Variants in SPC25 observed in about 807,000 individuals in gnomAD.
The protein encoded by SPC25 is SPC25 component of NDC80 kinetochore complex.
A neutral mutation model predicts 29.6 loss-of-function variants in SPC25; 22 were observed. That is an observed-to-expected ratio of 0.74 (90% CI 0.53 to 1.06). The LOEUF is 1.06. Among genes scored for constraint, SPC25 ranks in the 50% least tolerant of loss-of-function variants. The probability of loss-of-function intolerance (pLI) is 0.00; values close to 1 mark genes in which losing one functional copy is unlikely to be tolerated. For synonymous variants in SPC25, 91 were observed against 90.4 expected, an observed-to-expected ratio of 1.01 and a Z score of -0.04; for missense variants, 230 against 255.8, an observed-to-expected ratio of 0.90 and a Z score of 0.69.
downstream of SPC25, among the ~76,000 whole-genome samples, chr2:168,866,321 C>T (rs899261363): frequency 1.3e-5 from 2 of 152,420 alleles, no homozygotes; most frequent in South Asian, 2.1e-4. Flanking sequence ...GAAATAATCC[C>T]GCATATCTAC....
intron 3 of SPC25, among the ~76,000 whole-genome samples, chr2:168,883,143 A>C (rs1456165434): frequency 2.6e-5 from 4 of 152,088 alleles, no homozygotes; most frequent in Non-Finnish European, 5.9e-5. Context: ...ATGATTTTTA[A>C]AATATGGTAT....
At chr2:168,874,490 C>T (rs774560175) in intron 5 of SPC25, among the ~76,000 whole-genome samples, 1 of 152,082 alleles carries the variant, frequency 6.6e-6, no homozygotes, top group East Asian at 1.9e-4. Flanking sequence ...TGCCCACCAA[C>T]AGATGAATGG....
intron 3 of SPC25, among the ~76,000 whole-genome samples, chr2:168,884,221 C>A (rs1252767683): frequency 6.6e-6 from 1 of 152,192 alleles, no homozygotes; most frequent in Non-Finnish European, 1.5e-5. Flanking sequence ...AGCACAGACA[C>A]TATCATTGTG....
chr2:168,864,022 T>C (rs2105807507), intron 4 of SPC25, among the ~76,000 whole-genome samples: 1 of 151,870 alleles, frequency 6.6e-6, no homozygotes, highest in East Asian at 2.0e-4. Flanking sequence ...GTGATTCTCC[T>C]GCCTCAGTCT....
downstream of SPC25, among the ~76,000 whole-genome samples, chr2:168,867,128 T>G (rs1689875582): frequency 6.6e-6 from 1 of 152,160 alleles, no homozygotes. Flanking sequence ...TTACTGAGTA[T>G]ATACCCAAAG....
At position 168,889,367 on chromosome 2, in the gene SPC25, T is replaced by C. The variant is rs1690351092; in HGVS notation, c.133+20A>G. ...AACTAGAACAGCAAAACCAGCATGT[T>C]ACAAGTTAACACTAGGTACCTGCAA... is the stretch of plus-strand genomic sequence containing the variant. On this transcript the variant is annotated intron_variant, in intron 2 of 6. Coordinates refer to ENST00000282074, the MANE Select transcript of SPC25 (RefSeq NM_020675.4). The C allele has an allele frequency of 6.2e-7, 1 of 1,613,832 alleles. No individual in the cohort carries two copies. Among genetic ancestry groups the C allele is most frequent in the African/African-American group, 1.3e-5 (1 of 74,898 alleles).
chr2:168,884,693 C>A (rs113893631), intron 3 of SPC25, among the ~76,000 whole-genome samples: 4 of 152,130 alleles, frequency 2.6e-5, no homozygotes, highest in African/African-American at 9.7e-5. Flanking sequence ...CTTTCCTGGT[C>A]GTTTCCATTT....
intron 4 of SPC25, among the ~76,000 whole-genome samples, chr2:168,863,014 C>T (rs1266188561): frequency 1.6e-5 from 1 of 64,314 alleles, no homozygotes; most frequent in Non-Finnish European, 2.8e-5. Context: ...TACTTTTCTT[C>T]CTATGTGAAT....
chr2:168,866,760 G>A (rs1020049983), downstream of SPC25, among the ~76,000 whole-genome samples: 14 of 136,000 alleles, frequency 1.0e-4, no homozygotes, highest in African/African-American at 3.1e-4. Context: ...AATCTACAAC[G>A]AACTCAAACA....
At chr2:168,865,302 T>G (rs898627652) in intron 4 of SPC25, 1 of 212,800 alleles carries the variant, frequency 4.7e-6, no homozygotes, top group Non-Finnish European at 9.4e-6. Flanking sequence ...GTCAGAGTTA[T>G]CTGGTAGACA....
intron 4 of SPC25, chr2:168,863,752 G>GACAT (rs2105806085): frequency 1.4e-6 from 1 of 715,482 alleles, no homozygotes; most frequent in Non-Finnish European, 1.7e-6. Flanking sequence ...CTGTTGGTGA[G>GACAT]ACATACTTAT....
At chr2:168,864,895 GA>G (rs757832201) in intron 4 of SPC25, 2 of 1,613,740 alleles carry the variant, frequency 1.2e-6, no homozygotes, top group Non-Finnish European at 1.7e-6. Flanking sequence ...CTTTGAATGG[GA>G]AAAAAGGCCA....
chr2:168,865,058 T>G (rs963243019), intron 4 of SPC25: 3 of 1,433,618 alleles, frequency 2.1e-6, no homozygotes, highest in South Asian at 1.3e-5. Flanking sequence ...TACCTTTACA[T>G]GTTTTTCTTT....
At chr2:168,868,536 C>A (rs1689915545), downstream of SPC25, among the ~76,000 whole-genome samples, 1 of 152,062 alleles carries the variant, frequency 6.6e-6, no homozygotes, top group African/African-American at 2.4e-5. Flanking sequence ...CACCACCGAT[C>A]CCACAGAAAT....
chr2:168,887,541 T>A (rs901267734), intron 3 of SPC25, among the ~76,000 whole-genome samples: 2 of 152,088 alleles, frequency 1.3e-5, no homozygotes. Context: ...ATGAGTAAAG[T>A]GGGTAAGTCA....
Position 168,873,632 on chromosome 2 carries a change from CT to C in SPC25, c.502del (p.Ser168AlafsTer27), listed in dbSNP as rs1690035776. On this transcript the variant is annotated frameshift_variant, in exon 6 of 7. Coordinates refer to ENST00000282074, the MANE Select transcript of SPC25 (RefSeq NM_020675.4). LOFTEE classifies it high-confidence loss of function. Reference sequence around the variant, plus strand: ...GAGATGTAAGGAAAACATAAATGGGCTCTCAGGATTCTTAGGGTCAATATTA... The same window carrying C: ...GAGATGTAAGGAAAACATAAATGGGCCTCAGGATTCTTAGGGTCAATATTA... ...FTNIDPKNPE[S>X]PFMFSLHLNE... The C allele has an allele frequency of 6.2e-7, 1 of 1,611,736 alleles. No individual in the cohort carries two copies.
intron 6 of SPC25, among the ~76,000 whole-genome samples, chr2:168,872,340 A>G (rs772312861): frequency 3.4e-4 from 52 of 152,216 alleles, no homozygotes; most frequent in Non-Finnish European, 2.9e-4. Context: ...GAATTTTCCA[A>G]GTGAAATGGC....
rs145058902 is a variant in SPC25 at position 168,886,027 on chromosome 2, A to G, written c.199+3199T>C. Among the ~76,000 whole-genome samples, 342 of 150,384 alleles carry G rather than the reference A, an allele frequency of 2.3e-3. 1 individual carries two copies. The highest frequency in any genetic ancestry group is 7.5e-3 in the African/African-American group (307 of 40,816). On this transcript the variant is annotated intron_variant, in intron 3 of 6. Coordinates refer to ENST00000282074, the MANE Select transcript of SPC25 (RefSeq NM_020675.4). ...TCTATCCTCACACAGCATCTATTAC[A>G]TTATTCTAACAACGAATACAATCTT...
At chr2:168,886,069 T>C in intron 3 of SPC25, among the ~76,000 whole-genome samples, 1 of 133,720 alleles carries the variant, frequency 7.5e-6, no homozygotes, top group Non-Finnish European at 1.6e-5. Flanking sequence ...TTTTTTTTTT[T>C]TGGAGACAGG....
Sources: gnomAD v4.1 joint callset for allele counts (sites outside exome capture counted in the v4.1 genomes callset) on GRCh38, gnomAD v4.1.1 for gene constraint, MANE v1.5 for transcripts, NCBI Gene and HGNC (gene_info 2026-07-23, HGNC 2026-07-21) for gene names.